FKBP4: variants seen among roughly 807,000 people sequenced by gnomAD.
FKBP4 encodes the protein FKBP prolyl isomerase 4.
In FKBP4, 28 loss-of-function variants were observed where a neutral mutation model predicts 54.1. That is an observed-to-expected ratio of 0.52 (90% CI 0.38 to 0.71). FKBP4 has a LOEUF of 0.71. FKBP4 is among the 30% of genes least tolerant of loss of function. The probability of loss-of-function intolerance (pLI) is 0.00; values close to 1 mark genes in which losing one functional copy is unlikely to be tolerated. For missense variants in FKBP4, 493 were observed against 574.4 expected, an observed-to-expected ratio of 0.86 and a Z score of 1.45; for synonymous variants, 223 against 216.1, an observed-to-expected ratio of 1.03 and a Z score of -0.28.
At chr12:2,796,638 GT>G (rs2097902013) in intron 1 of FKBP4, 1 of 1,130,372 alleles carries the variant, frequency 8.8e-7, no homozygotes, top group African/African-American at 1.6e-5. Context: ...GTTTTGAACT[GT>G]TTCTATTCTC....
intron 9 of FKBP4, among the ~76,000 whole-genome samples, chr12:2,802,769 C>T (rs2097905574): frequency 6.6e-6 from 1 of 152,186 alleles, no homozygotes; most frequent in African/African-American, 2.4e-5. Context: ...GCCCTGCCGC[C>T]CAGGCTGGAG....
Position 2,794,999 on chromosome 12 carries a change from G to A in FKBP4, c.-141G>A, listed in dbSNP as rs577980210. On this transcript the variant is annotated 5_prime_UTR_variant, in exon 1 of 10. Coordinates refer to ENST00000001008, the MANE Select transcript of FKBP4 (RefSeq NM_002014.4). Reference sequence around the variant, plus strand: ...CCCCAGCTCTCGCGCCGCGTGCAGAGGTGCTCAAGCCTCCTCGCGGTCCGC... The same window carrying A: ...CCCCAGCTCTCGCGCCGCGTGCAGAAGTGCTCAAGCCTCCTCGCGGTCCGC... 9 of 370,458 alleles carry A rather than the reference G, an allele frequency of 2.4e-5. No individual in the cohort carries two copies. Among genetic ancestry groups the A allele is most frequent in the Non-Finnish European group, 4.1e-5 (9 of 217,870 alleles). 22.9% of individuals were successfully genotyped at this position (370,458 alleles called of 1,614,324 possible). A position where few individuals can be genotyped will look rare whatever the true frequency, so the allele number is the denominator to read the frequency against.
At position 2,799,842 on chromosome 12, in the gene FKBP4, C is replaced by T. The variant is rs2097903771; in HGVS notation, c.672-8C>T. On this transcript the variant is annotated splice_polypyrimidine_tract_variant and splice_region_variant and intron_variant, in intron 5 of 9. Coordinates refer to ENST00000001008, the MANE Select transcript of FKBP4 (RefSeq NM_002014.4). ...CAAGATGATACATAGTGTTTTTCAC[C>T]CCTCCAGCTATGCTTTTGGCAGTGT... The T allele has an allele frequency of 2.5e-6, 4 of 1,612,542 alleles. No individual in the cohort carries two copies. Among genetic ancestry groups the T allele is most frequent in the Non-Finnish European group, 2.5e-6 (3 of 1,179,234 alleles).
chr12:2,801,507 T>A (rs2097904768), intron 9 of FKBP4, 151 bp downstream of exon 9: 1 of 1,079,932 alleles, frequency 9.3e-7, no homozygotes, highest in South Asian at 1.5e-5. Context: ...TTCCTGCTGT[T>A]GGGGCCAGTG....
rs761725402 is a variant in FKBP4, at chr12:2,799,958, CT to C, written c.762+20del. The stretch of plus-strand genomic sequence containing the variant: ...TTGAAAAGGTAAGTTTGCTCAGGGT[CT>C]TCCCATCTAAAGTCAAGTTCCACCC... On this transcript the variant is annotated intron_variant, in intron 6 of 9. Coordinates refer to ENST00000001008, the MANE Select transcript of FKBP4 (RefSeq NM_002014.4). 6.2e-7 allele frequency: 1 copy of C among 1,613,370 alleles called. No homozygotes were observed. The highest frequency in any genetic ancestry group is 8.5e-7 in the Non-Finnish European group (1 of 1,179,260).
At chr12:2,801,582 A>G (rs2153920453) in intron 9 of FKBP4, 1 of 650,670 alleles carries the variant, frequency 1.5e-6, no homozygotes, top group Non-Finnish European at 2.8e-6. Context: ...CCCTGAGTGT[A>G]ATTCCCGATT....
chr12:2,803,164 C>G lies in FKBP4; in HGVS notation c.1286C>G (p.Ala429Gly), dbSNP rs770611717. Residue 429 changes from alanine (A) to glycine (G), a missense_variant, in exon 10 of 10, where the codon GCT (alanine) becomes GGT (glycine). By Grantham distance (60) the Ala-to-Gly change is moderately conservative (BLOSUM62 0). Coordinates refer to ENST00000001008, the MANE Select transcript of FKBP4 (RefSeq NM_002014.4). ...TCTTCCTTGCAGGCCAAGGCAGAGG[C>G]TTCCTCAGGAGACCATCCCACTGAC... The part of the protein sequence containing the change: ...AEEENKAKAE[A>G]SSGDHPTDTE... 3.7e-6 allele frequency: 6 copies of G among 1,604,164 alleles called. No homozygotes were observed. The highest frequency in any genetic ancestry group is 3.4e-5 in the Admixed American group (2 of 58,906).
In FKBP4 at chr12:2,799,174, C is replaced by G. The variant is rs2097903440; in HGVS notation, c.601C>G (p.Pro201Ala). The G allele has an allele frequency of 1.9e-6, 3 of 1,594,934 alleles. No homozygotes were observed. Residue 201 changes from proline to alanine, a missense_variant, in exon 5 of 10, where the codon CCT becomes GCT. Transcript: ENST00000001008. ...EIGEGENLDL[P>A]YGLERAIQRM... ...TGGCGAGGGGGAGAACCTGGATCTG[C>G]CTTATGGTCTGGAGAGGGCCATTCA...
Position 2,797,189 on chromosome 12 carries a change from G to A in FKBP4, c.157G>A (p.Val53Ile), listed in dbSNP as rs758429843. 7 of 1,613,610 alleles carry A rather than the reference G, an allele frequency of 4.3e-6. No individual in the cohort carries two copies. The highest frequency in any genetic ancestry group is 8.5e-7 in the Non-Finnish European group (1 of 1,179,870). The stretch of plus-strand genomic sequence containing the variant: ...AGAGATGCCCATGATTGGGGACCGA[G>A]TCTTTGTCCACTACACTGGCTGGCT... ...GTEMPMIGDR[V>I]FVHYTGWLLD... is the part of the protein sequence containing the mutation. The change falls in exon 2 of 10, where the codon GTC becomes ATC. Residue 53 changes from valine to isoleucine, a missense_variant. Val to Ile is a conservative substitution (Grantham distance 29). Coordinates refer to ENST00000001008, the MANE Select transcript of FKBP4 (RefSeq NM_002014.4).
chr12:2,801,317 T>C lies in FKBP4; in HGVS notation c.1233T>C (p.Tyr411=). The C allele has an allele frequency of 6.2e-7, 1 of 1,614,226 alleles. No individual in the cohort carries two copies. Among genetic ancestry groups the C allele is most frequent in the Non-Finnish European group, 8.5e-7 (1 of 1,180,038 alleles). The change falls in exon 9 of 10, where the codon TAT becomes TAC. Residue 411 remains tyrosine, a synonymous_variant. Coordinates refer to ENST00000001008, the MANE Select transcript of FKBP4 (RefSeq NM_002014.4). ...AGCTTGCCCGGGAGAAGAAGCTCTA[T>C]GCCAATATGTTTGAGAGGCTGGCTG... The part of the protein sequence containing the change: ...RRQLAREKKL[Y]ANMFERLAEE...
rs2097903083 is a variant in FKBP4 at position 2,798,512 on chromosome 12, C to T, written c.394-194C>T. ...TTAACTGAAATCTATGTAGTCTGCC[C>T]ACCTCTACCAAAGTTGAGATTAGGG... is the stretch of plus-strand genomic sequence containing the variant. On this transcript the variant is annotated intron_variant, in intron 3 of 9. Transcript: ENST00000001008. This position sits in a 1 kb window ranked among gnomAD's most constrained non-coding sequence, Gnocchi z 4.3. 6.6e-6 allele frequency among the ~76,000 whole-genome samples: 1 copy of T among 152,160 alleles called. No individual in the cohort carries two copies. Among genetic ancestry groups the T allele is most frequent in the Non-Finnish European group, 1.5e-5 (1 of 68,030 alleles).
chr12:2,800,660 GT>G, intron 8 of FKBP4, 83 bp downstream of exon 8: 2 of 1,372,108 alleles, frequency 1.5e-6, no homozygotes, highest in South Asian at 2.8e-5. Context: ...CTTCCCCTTG[GT>G]GACTAGGGCA....
Position 2,797,127 on chromosome 12 carries a change from C to A in FKBP4, c.106-11C>A. 6.2e-7 allele frequency: 1 copy of A among 1,612,128 alleles called. No individual in the cohort carries two copies. Among genetic ancestry groups the A allele is most frequent in the Non-Finnish European group, 8.5e-7 (1 of 1,179,782 alleles). ...ACCCTGGGGTACTCACTTTCTCCCCCTTCCTCCCAGGTCATCAAGAGAGAG... is the reference window on the plus strand; with the variant it reads ...ACCCTGGGGTACTCACTTTCTCCCCATTCCTCCCAGGTCATCAAGAGAGAG... On this transcript the variant is annotated splice_polypyrimidine_tract_variant and intron_variant, in intron 1 of 9. Transcript: ENST00000001008.
Position 2,795,278 on chromosome 12 carries a change from A to C in FKBP4, c.105+34A>C. On this transcript the variant is annotated intron_variant, in intron 1 of 9. Coordinates refer to ENST00000001008, the MANE Select transcript of FKBP4 (RefSeq NM_002014.4). This position sits in a 1 kb window ranked among gnomAD's most constrained non-coding sequence, Gnocchi z 4.3. ...CGGCGGGGCCTGCGGAGGCGTCGGA[A>C]CCCGGGGCCCCGCGGGCCGCCCTTC... is the stretch of plus-strand genomic sequence containing the variant. The C allele has an allele frequency of 1.7e-6, 2 of 1,171,260 alleles. No individual in the cohort carries two copies. The highest frequency in any genetic ancestry group is 2.2e-6 in the Non-Finnish European group (2 of 924,592). 72.6% of individuals were successfully genotyped at this position (1,171,260 alleles called of 1,614,324 possible). A position where few individuals can be genotyped will look rare whatever the true frequency, so the allele number is the denominator to read the frequency against.
In FKBP4 at chr12:2,801,208, A is replaced by G. The variant is rs2097904574; in HGVS notation, c.1124A>G (p.Asp375Gly). 1 of 1,613,326 alleles carries G rather than the reference A, an allele frequency of 6.2e-7. No homozygotes were observed. The highest frequency in any genetic ancestry group is 8.5e-7 in the Non-Finnish European group (1 of 1,180,032). ...AVNDFELARA[D>G]FQKVLQLYPN... ...AATGACTTTGAACTGGCACGGGCTG[A>G]TTTCCAGAAGGTCCTGCAGCTCTAC... Residue 375 changes from aspartate to glycine, a missense_variant, in exon 9 of 10, where the codon GAT becomes GGT. Asp to Gly is a moderately conservative substitution (Grantham distance 94). Coordinates refer to ENST00000001008, the MANE Select transcript of FKBP4 (RefSeq NM_002014.4).
chr12:2,799,154 A>T lies in FKBP4; in HGVS notation c.581A>T (p.Glu194Val). Residue 194 changes from glutamate to valine, a missense_variant, in exon 5 of 10, where the codon GAG (glutamate) becomes GTG (valine). Coordinates refer to ENST00000001008, the MANE Select transcript of FKBP4 (RefSeq NM_002014.4). ...DQRELRFEIGEGENLDLPYGL... is the reference protein window; with the variant it reads ...DQRELRFEIGVGENLDLPYGL... ...CGGGAGCTCCGCTTTGAGATTGGCG[A>T]GGGGGAGAACCTGGATCTGCCTTAT... 1.3e-6 allele frequency: 2 copies of T among 1,593,484 alleles called. No homozygotes were observed. The highest frequency in any genetic ancestry group is 8.5e-7 in the Non-Finnish European group (1 of 1,172,170).
Position 2,805,028 on chromosome 12 carries a change from AC to A in FKBP4, c.*1771del. 2 of 317,448 alleles carry A rather than the reference AC, an allele frequency of 6.3e-6. No individual in the cohort carries two copies. The highest frequency in any genetic ancestry group is 2.5e-5 in the South Asian group (1 of 39,804). 19.7% of individuals were successfully genotyped at this position (317,448 alleles called of 1,614,324 possible). A position where few individuals can be genotyped will look rare whatever the true frequency, so the allele number is the denominator to read the frequency against. ...GGTATTTCAAAAGTAGTAGATTCTTACGCCTGCAGCCAACAATAATCACTAA... is the reference window on the plus strand; with the variant it reads ...GGTATTTCAAAAGTAGTAGATTCTTAGCCTGCAGCCAACAATAATCACTAA... On this transcript the variant is annotated 3_prime_UTR_variant, in exon 10 of 10. Coordinates refer to ENST00000001008, the MANE Select transcript of FKBP4 (RefSeq NM_002014.4).
chr12:2,800,223 A>G, intron 7 of FKBP4, 101 bp downstream of exon 7: 6 of 1,436,410 alleles, frequency 4.2e-6, no homozygotes, highest in Non-Finnish European at 5.8e-6. Flanking sequence ...AGAAGTGGAC[A>G]GGTTGGCACC....
At chr12:2,797,996 T>A in intron 3 of FKBP4, 125 bp downstream of exon 3, 1 of 1,215,506 alleles carries the variant, frequency 8.2e-7, no homozygotes, top group African/African-American at 1.5e-5. Context: ...TCTGGCCTTA[T>A]GGGAGGAGAA....
Sources: allele counts gnomAD v4.1 joint callset (sites outside exome capture counted in the v4.1 genomes callset), GRCh38; gene constraint gnomAD v4.1.1; non-coding constraint Gnocchi (gnomAD v3.1); transcripts MANE v1.5; gene names NCBI Gene and HGNC (gene_info 2026-07-23, HGNC 2026-07-21).